Variants in RABEP1 observed in about 807,000 individuals in gnomAD.
RABEP1 encodes rabaptin, RAB GTPase binding effector protein 1.
In RABEP1, 51 loss-of-function variants were observed where a neutral mutation model predicts 123.4. The observed-to-expected ratio is 0.41, with a 90% CI of 0.33 to 0.52. The LOEUF is 0.52. Among genes scored for constraint, RABEP1 ranks in the 20% least tolerant of loss-of-function variants. The probability of loss-of-function intolerance (pLI) is 0.16; values close to 1 mark genes in which losing one functional copy is unlikely to be tolerated. For missense variants in RABEP1, 888 were observed against 996.3 expected (o/e 0.89, Z 1.46); for synonymous variants, 347 against 355.2 (o/e 0.98, Z 0.26).
At chr17:5,381,725 C>T (rs954442380) in intron 17 of RABEP1, 1 of 604,306 alleles carries the variant, frequency 1.7e-6, no homozygotes, top group Non-Finnish European at 2.5e-6. Context: ...AATTTTGCCT[C>T]CTTATGAGTA....
At chr17:5,317,284 G>C (rs2075307583) in intron 2 of RABEP1, among the ~76,000 whole-genome samples, 2 of 152,146 alleles carry the variant, frequency 1.3e-5, no homozygotes, top group African/African-American at 4.8e-5. Flanking sequence ...TGCAAGGTTG[G>C]TGCAACACCT....
At chr17:5,297,223 T>C (rs1247671497) in intron 1 of RABEP1, among the ~76,000 whole-genome samples, 1 of 152,204 alleles carries the variant, frequency 6.6e-6, no homozygotes, top group Admixed American at 6.5e-5. Flanking sequence ...TATGACAAAA[T>C]GCTTTAGGAT....
At chr17:5,363,295 C>G (rs1028537870) in intron 10 of RABEP1, among the ~76,000 whole-genome samples, 3 of 151,542 alleles carry the variant, frequency 2.0e-5, no homozygotes, top group African/African-American at 7.3e-5. Context: ...TCTCAGCTCA[C>G]TGCAACTTCC....
chr17:5,344,643 G>T (rs971126728), intron 5 of RABEP1, among the ~76,000 whole-genome samples: 2 of 150,462 alleles, frequency 1.3e-5, no homozygotes, highest in Non-Finnish European at 3.0e-5. Flanking sequence ...GTGGTGGCGG[G>T]CACCTGTAGT....
At position 5,294,633 on chromosome 17, in the gene RABEP1, C is replaced by CTTT. The variant is rs1185209680; in HGVS notation, c.34+12143_34+12145dup. 3.4e-3 allele frequency among the ~76,000 whole-genome samples: 179 copies of CTTT among 53,024 alleles called. 44 individuals carry two copies. The highest frequency in any genetic ancestry group is 5.4e-3 in the Non-Finnish European group (157 of 29,084). 34.8% of individuals were successfully genotyped at this position (53,024 alleles called of 152,430 possible). A position where few individuals can be genotyped will look rare whatever the true frequency, so the allele number is the denominator to read the frequency against. On this transcript the variant is annotated intron_variant, in intron 1 of 17. Coordinates refer to ENST00000537505, the MANE Select transcript of RABEP1 (RefSeq NM_004703.6). ...AGATACTGAGGGAAAACGGTATTGT[C>CTTT]TTTTTTTTTTTTTTTTTTTTTTTTT...
At chr17:5,367,564 C>T (rs1421649793) in intron 11 of RABEP1, among the ~76,000 whole-genome samples, 1 of 151,256 alleles carries the variant, frequency 6.6e-6, no homozygotes, top group African/African-American at 2.4e-5. Flanking sequence ...TCACCGTGCC[C>T]AGCCAAGGGT....
At chr17:5,330,590 C>T (rs1331666981) in intron 2 of RABEP1, among the ~76,000 whole-genome samples, 4 of 152,028 alleles carry the variant, frequency 2.6e-5, no homozygotes, top group East Asian at 3.8e-4. Flanking sequence ...AGCTGGTTAG[C>T]GGTAGAATTA....
In RABEP1 at chr17:5,340,507, C is replaced by T. The variant is rs1365045117; in HGVS notation, c.648+2369C>T. ...TATCTTAGAATTGAGGTTACACAGA[C>T]CCAATTCTGTAACTATGGGTTATTC... is the stretch of plus-strand genomic sequence containing the variant. On this transcript the variant is annotated intron_variant, in intron 5 of 17. Coordinates refer to ENST00000537505, the MANE Select transcript of RABEP1 (RefSeq NM_004703.6). Among the ~76,000 whole-genome samples the T allele has an allele frequency of 9.9e-5, 15 of 151,874 alleles. 1 individual carries two copies. Among genetic ancestry groups the T allele is most frequent in the Admixed American group, 9.8e-4 (15 of 15,244 alleles).
chr17:5,363,172 C>A (rs1909706889), intron 10 of RABEP1, among the ~76,000 whole-genome samples, 156 bp downstream of exon 10: 1 of 150,382 alleles, frequency 6.6e-6, no homozygotes, highest in African/African-American at 2.4e-5. Context: ...ATGGCAGTTA[C>A]ATTTCCAGTG....
At chr17:5,342,514 T>C (rs1053129541) in intron 5 of RABEP1, among the ~76,000 whole-genome samples, 4 of 152,118 alleles carry the variant, frequency 2.6e-5, no homozygotes, top group African/African-American at 7.2e-5. Flanking sequence ...TGCGGAAGCC[T>C]GTAGTGCCAA....
At chr17:5,316,662 G>A (rs917255737) in intron 2 of RABEP1, among the ~76,000 whole-genome samples, 4 of 150,560 alleles carry the variant, frequency 2.7e-5, no homozygotes, top group African/African-American at 7.3e-5. Context: ...GTGAAACCCC[G>A]TATCTACTAG....
intron 13 of RABEP1, among the ~76,000 whole-genome samples, chr17:5,374,852 T>C (rs185425533): frequency 5.3e-4 from 80 of 152,238 alleles, no homozygotes; most frequent in Admixed American, 7.2e-4. Context: ...CCACATTGGC[T>C]AGGCTGGTCT....
chr17:5,375,866 AT>A (rs1009065134), intron 13 of RABEP1, among the ~76,000 whole-genome samples: 4 of 147,748 alleles, frequency 2.7e-5, no homozygotes, highest in Non-Finnish European at 6.1e-5. Flanking sequence ...ATTTCATTTT[AT>A]TTATTTATTT....
chr17:5,358,259 A>G (rs1362169194), intron 8 of RABEP1, among the ~76,000 whole-genome samples: 1 of 102,042 alleles, frequency 9.8e-6, no homozygotes, highest in Non-Finnish European at 1.8e-5. Flanking sequence ...TTTTACTACT[A>G]TACAATTTTT....
intron 16 of RABEP1, 195 bp downstream of exon 16, chr17:5,380,657 C>T: frequency 1.7e-6 from 1 of 599,090 alleles, no homozygotes; most frequent in South Asian, 1.6e-5. Flanking sequence ...TCTGCCAGGT[C>T]TGGAGGCCTG....
chr17:5,294,633 C>CTTTTATTTTTTTTTTT (rs2075063806), intron 1 of RABEP1, among the ~76,000 whole-genome samples: 1 of 53,024 alleles, frequency 1.9e-5, no homozygotes, highest in Non-Finnish European at 3.4e-5. Context: ...ACGGTATTGT[C>CTTTTATTTTTTTTTTT]TTTTTTTTTT....
At chr17:5,282,567 G>A in intron 1 of RABEP1, 47 bp downstream of exon 1, 1 of 1,126,078 alleles carries the variant, frequency 8.9e-7, no homozygotes, top group Non-Finnish European at 1.1e-6. Context: ...CCTGCCCGGC[G>A]TCGGCGTCGC....
At chr17:5,380,280 T>C in intron 15 of RABEP1, 84 bp from the exon 16 acceptor site, 1 of 879,664 alleles carries the variant, frequency 1.1e-6, no homozygotes, top group Non-Finnish European at 1.7e-6. Flanking sequence ...CTTGGTGTAA[T>C]TCTCCAGGCT....
chr17:5,320,467 A>T (rs1043571007), intron 2 of RABEP1, among the ~76,000 whole-genome samples: 2 of 151,366 alleles, frequency 1.3e-5, no homozygotes, highest in African/African-American at 4.9e-5. Flanking sequence ...CACTGGTAAA[A>T]TTAAGTACAT....
Sources: gnomAD v4.1 joint callset for allele counts (sites outside exome capture counted in the v4.1 genomes callset) on GRCh38, gnomAD v4.1.1 for gene constraint, MANE v1.5 for transcripts, NCBI Gene and HGNC (gene_info 2026-07-23, HGNC 2026-07-21) for gene names.